Variants in HEATR1 observed in about 807,000 individuals in gnomAD.
HEATR1 encodes the protein HEAT repeat-containing protein 1.
HEATR1 carries 77 observed loss-of-function variants against 248.2 expected under a neutral mutation model. The ratio of observed to expected loss-of-function variants is 0.31; its 90% CI spans 0.26 to 0.37. HEATR1 has a LOEUF of 0.37. Ranked by LOEUF, HEATR1 falls within the 10% of genes least tolerant of loss-of-function variation. HEATR1 has a pLI of 1.00. For synonymous variants in HEATR1, 897 were observed against 923.1 expected (o/e 0.97, Z 0.51); for missense variants, 2,420 against 2,504.9 (o/e 0.97, Z 0.72).
chr1:236,596,792 C>A, intron 6 of HEATR1, 44 bp downstream of exon 6: 1 of 1,507,926 alleles, frequency 6.6e-7, no homozygotes, highest in Non-Finnish European at 8.9e-7. Context: ...AAGAAAATTC[C>A]TTTAAGTACA....
In HEATR1 at chr1:236,557,272, C is replaced by T; in HGVS notation, c.5278G>A (p.Ala1760Thr). Residue 1760 changes from alanine (A) to threonine (T), a missense_variant, in exon 37 of 45, where the codon GCC becomes ACC. Coordinates refer to ENST00000366582, the MANE Select transcript of HEATR1 (RefSeq NM_018072.6). ...ACAACCTTCTGCAGAGCAGCCAAGG[C>T]ACTGAGCAGGTAGACCTCGCTGGAG... ...LVSSEVYLLS[A>T]LAALQKVVET... 6.2e-7 allele frequency: 1 copy of T among 1,614,198 alleles called. No individual in the cohort carries two copies. Among genetic ancestry groups the T allele is most frequent in the Non-Finnish European group, 8.5e-7 (1 of 1,180,022 alleles).
rs759724118 is a variant in HEATR1 at position 236,553,683 on chromosome 1, C to G, written c.6135G>C (p.Leu2045=). 1 of 1,613,880 alleles carries G rather than the reference C, an allele frequency of 6.2e-7. No homozygotes were observed. The highest frequency in any genetic ancestry group is 1.1e-5 in the South Asian group (1 of 91,006). Residue 2045 remains leucine (L), a synonymous_variant, in exon 43 of 45, where the codon CTG becomes CTC. Transcript: ENST00000366582. ...EKFQERVTKH[L]IPCIAQFSVA... ...CCGAAAACTGTGCGATGCATGGTATCAGGTGCTTTGTCACCCGTTCCTGGA... is the reference window on the plus strand; with the variant it reads ...CCGAAAACTGTGCGATGCATGGTATGAGGTGCTTTGTCACCCGTTCCTGGA...
chr1:236,593,432 C>G (rs1437431494), intron 9 of HEATR1, among the ~76,000 whole-genome samples: 1 of 152,026 alleles, frequency 6.6e-6, no homozygotes, highest in African/African-American at 2.4e-5. Context: ...CACCAACACA[C>G]AGGCACTCTC....
chr1:236,576,840 T>C lies in HEATR1; in HGVS notation c.2865A>G (p.Ile955Met). 1 of 1,614,110 alleles carries C rather than the reference T, an allele frequency of 6.2e-7. No individual in the cohort carries two copies. The highest frequency in any genetic ancestry group is 8.5e-7 in the Non-Finnish European group (1 of 1,179,968). ...CTGCTTTAGAAATCAAATGATCTATTATCAGATAAAACGGGGATGCCACTC... is the reference window on the plus strand; with the variant it reads ...CTGCTTTAGAAATCAAATGATCTATCATCAGATAAAACGGGGATGCCACTC... ...LSGVASPFYL[I>M]IDHLISKAEE... is the part of the protein sequence containing the mutation. The change falls in exon 21 of 45, where the codon ATA becomes ATG. Residue 955 changes from isoleucine (I) to methionine (M), a missense_variant. Coordinates refer to ENST00000366582, the MANE Select transcript of HEATR1 (RefSeq NM_018072.6).
Position 236,595,975 on chromosome 1 carries a change from C to G in HEATR1, c.814G>C (p.Val272Leu). 9 of 1,613,844 alleles carry G rather than the reference C, an allele frequency of 5.6e-6. No individual in the cohort carries two copies. Among genetic ancestry groups the G allele is most frequent in the Non-Finnish European group, 7.6e-6 (9 of 1,179,822 alleles). ...TTCACAAAGGTATTTTCCATGGTCA[C>G]TTTCACAGAAATCTGACATATTATC... ...YMIICQISVK[V>L]TMENTFVNSL... Residue 272 changes from valine (V) to leucine (L), a missense_variant, in exon 7 of 45, where the codon GTG becomes CTG. Coordinates refer to ENST00000366582, the MANE Select transcript of HEATR1 (RefSeq NM_018072.6).
chr1:236,552,192 C>T, intron 43 of HEATR1, 85 bp from the exon 44 acceptor site: 1 of 866,918 alleles, frequency 1.2e-6, no homozygotes, highest in Non-Finnish European at 1.8e-6. Context: ...GAGACAAGCT[C>T]TAACTTTTTA....
chr1:236,587,962 T>C lies in HEATR1; in HGVS notation c.1612A>G (p.Ile538Val), dbSNP rs149485004. ...AATTCACTCACCTCAAAAGCACTTA[T>C]AGCCGACAAAACAACATCTATATTA... ...DDNIDVVLSA[I>V]SAFEIFKEHF... Residue 538 changes from isoleucine (I) to valine (V), a missense_variant, in exon 13 of 45, where the codon ATA (isoleucine) becomes GTA (valine). Transcript: ENST00000366582. 483 of 1,611,112 alleles carry C rather than the reference T, an allele frequency of 3.0e-4. 1 individual carries two copies. Among genetic ancestry groups the C allele is most frequent in the East Asian group, 9.2e-4 (41 of 44,690 alleles).
intron 3 of HEATR1, among the ~76,000 whole-genome samples, chr1:236,601,381 G>A (rs998946291): frequency 3.9e-5 from 6 of 152,224 alleles, no homozygotes; most frequent in East Asian, 1.9e-4. Context: ...CAAGTAGCTA[G>A]AATTACAAGT....
At chr1:236,601,546 T>C (rs981261948) in intron 3 of HEATR1, among the ~76,000 whole-genome samples, 1 of 152,182 alleles carries the variant, frequency 6.6e-6, no homozygotes, top group African/African-American at 2.4e-5. Context: ...CTCATGCCTG[T>C]AACCCCAGCA....
At chr1:236,595,485 T>A in intron 8 of HEATR1, 55 bp downstream of exon 8, 1 of 1,444,522 alleles carries the variant, frequency 6.9e-7, no homozygotes. Context: ...ATATGGTTAC[T>A]ATTTTAAGAT....
At chr1:236,554,237 C>G (rs991900868) in intron 42 of HEATR1, among the ~76,000 whole-genome samples, 1 of 152,006 alleles carries the variant, frequency 6.6e-6, no homozygotes, top group African/African-American at 2.4e-5. Flanking sequence ...ACTAAAAATA[C>G]AAAAATTAGC....
rs531264378 is a variant in HEATR1 at position 236,595,846 on chromosome 1, T to G, written c.943A>C (p.Ser315Arg). 1.2e-6 allele frequency: 2 copies of G among 1,613,224 alleles called. No homozygotes were observed. The highest frequency in any genetic ancestry group is 2.7e-5 in the African/African-American group (2 of 75,056). ...AATTGTACATACTTTTTCCCAAGGC[T>G]CTCTGGCTTCTGTCTCTGCAGGAGC... ...IVLLQRQKPE[S>R]LGKKPFPHLC... Residue 315 changes from serine to arginine, a missense_variant, in exon 7 of 45, where the codon AGC becomes CGC. Transcript: ENST00000366582.
Position 236,585,094 on chromosome 1 carries a change from T to C in HEATR1, c.2172A>G (p.Pro724=). ...CCSSLKETHF[P]FAIRVFSLLQ... ...ACAAACTGAAGACTCTTATCGCAAA[T>C]GGAAAGTGGGTTTCTTTTAAAGATG... is the stretch of plus-strand genomic sequence containing the variant. Residue 724 remains proline, a synonymous_variant, in exon 17 of 45, where the codon CCA becomes CCG. Coordinates refer to ENST00000366582, the MANE Select transcript of HEATR1 (RefSeq NM_018072.6). The C allele has an allele frequency of 6.2e-7, 1 of 1,614,040 alleles. No individual in the cohort carries two copies. The highest frequency in any genetic ancestry group is 8.5e-7 in the Non-Finnish European group (1 of 1,179,918).
chr1:236,586,724 C>T (rs1429487749), intron 14 of HEATR1, among the ~76,000 whole-genome samples: 1 of 151,814 alleles, frequency 6.6e-6, no homozygotes, highest in Non-Finnish European at 1.5e-5. Context: ...TCTGCTCATC[C>T]TGTCTAATCT....
Position 236,586,293 on chromosome 1 carries a change from T to C in HEATR1, c.1875A>G (p.Leu625=), listed in dbSNP as rs1169459294. ...GCAGGGAGCAGATTCCTGATTTTGA[T>C]AAATATATAGCAATTTTCATCTCAG... ...ESAEMKIAIY[L]SKSGICSLHP... is the part of the protein sequence containing the mutation. The change falls in exon 15 of 45, where the codon TTA becomes TTG. Residue 625 remains leucine, a synonymous_variant. Transcript: ENST00000366582. 9 of 1,613,524 alleles carry C rather than the reference T, an allele frequency of 5.6e-6. No homozygotes were observed. Among genetic ancestry groups the C allele is most frequent in the Admixed American group, 1.7e-5 (1 of 60,018 alleles).
At chr1:236,558,639 CCT>C (rs1663041196) in intron 35 of HEATR1, 110 bp from the exon 36 acceptor site, 1 of 1,075,684 alleles carries the variant, frequency 9.3e-7, no homozygotes, top group Admixed American at 2.5e-5. Flanking sequence ...ACTCGGGGGT[CCT>C]GAGTCACACA....
At chr1:236,582,117 T>G (rs1379345668) in intron 19 of HEATR1, among the ~76,000 whole-genome samples, 4 of 152,142 alleles carry the variant, frequency 2.6e-5, no homozygotes, top group Admixed American at 2.6e-4. Flanking sequence ...ATTTATTATT[T>G]TTTTTGAGAT....
intron 8 of HEATR1, 37 bp downstream of exon 8, chr1:236,595,503 T>C (rs1403518146): frequency 1.9e-6 from 3 of 1,556,412 alleles, no homozygotes; most frequent in East Asian, 2.3e-5. Flanking sequence ...GATCAAATCT[T>C]AGAAAATTTC....
At chr1:236,556,562 T>TA (rs1662984836) in intron 37 of HEATR1, among the ~76,000 whole-genome samples, 1 of 152,168 alleles carries the variant, frequency 6.6e-6, no homozygotes, top group Non-Finnish European at 1.5e-5. Flanking sequence ...GTCAAGTTGC[T>TA]AAAAAACTGA....
Sources: allele counts gnomAD v4.1 joint callset (sites outside exome capture counted in the v4.1 genomes callset), GRCh38; gene constraint gnomAD v4.1.1; transcripts MANE v1.5; gene names NCBI Gene and HGNC (gene_info 2026-07-23, HGNC 2026-07-21).